Variants in HDX observed in about 807,000 individuals in gnomAD.
HDX encodes highly divergent homeobox.
In HDX, 19 loss-of-function variants were observed where a neutral mutation model predicts 45.2. The observed-to-expected ratio is 0.42, with a 90% CI of 0.29 to 0.62. The LOEUF (loss-of-function observed/expected upper bound fraction) is 0.62, where lower values mean the gene tolerates loss of function less well. Ranked by LOEUF, HDX falls within the 20% of genes least tolerant of loss-of-function variation. HDX has a pLI of 0.20. For missense variants in HDX, 532 were observed against 493.9 expected (o/e 1.08, Z -0.73); for synonymous variants, 188 against 172.8 (o/e 1.09, Z -0.69).
At chrX:84,471,244 A>AATAGATAGATAGATAG (rs200160920) in intron 3 of HDX, among the ~76,000 whole-genome samples, 20 of 97,362 alleles carry the variant, frequency 2.1e-4, no homozygotes, top group South Asian at 1.0e-3. Context: ...GTGTTCTCTC[A>AATAGATAGATAGATAG]ATAGATAGAT....
intron 6 of HDX, among the ~76,000 whole-genome samples, chrX:84,357,589 T>A (rs1196715424): frequency 9.0e-6 from 1 of 111,465 alleles, no homozygotes; most frequent in African/African-American, 3.3e-5. Context: ...AGTGAACAGA[T>A]CAATGAGGAA....
intron 4 of HDX, among the ~76,000 whole-genome samples, chrX:84,456,083 G>T (rs749612986): frequency 1.8e-5 from 2 of 111,635 alleles, no homozygotes; most frequent in South Asian, 7.5e-4. Context: ...GGGAGTTCTT[G>T]AATCTGAAAG....
At chrX:84,334,654 A>ATT (rs34832469) in intron 8 of HDX, among the ~76,000 whole-genome samples, 37 of 88,347 alleles carry the variant, frequency 4.2e-4, no homozygotes, top group African/African-American at 1.4e-3. Context: ...TAATCATGTG[A>ATT]TTTTTTTAAA....
chrX:84,437,759 A>G (rs1464111558), intron 5 of HDX, among the ~76,000 whole-genome samples: 3 of 111,283 alleles, frequency 2.7e-5, no homozygotes, highest in African/African-American at 9.8e-5. Flanking sequence ...CTAGTTGCCC[A>G]TTGTGGCTTG....
intron 2 of HDX, among the ~76,000 whole-genome samples, chrX:84,476,654 CA>C (rs1359899002): frequency 9.1e-6 from 1 of 109,432 alleles, no homozygotes; most frequent in Non-Finnish European, 1.9e-5. Flanking sequence ...CCAAACCAGA[CA>C]GAAATTTTTC....
At chrX:84,478,055 C>T (rs1569367684) in intron 2 of HDX, among the ~76,000 whole-genome samples, 1 of 112,155 alleles carries the variant, frequency 8.9e-6, no homozygotes, top group Non-Finnish European at 1.9e-5. Context: ...AAATGCTGGA[C>T]TGTACAAGTC....
At chrX:84,386,535 A>T (rs947705002) in intron 5 of HDX, among the ~76,000 whole-genome samples, 7 of 111,539 alleles carry the variant, frequency 6.3e-5, no homozygotes, top group Admixed American at 1.9e-4. Context: ...TCAGAGTTTG[A>T]TATTGGTGTA....
chrX:84,341,585 A>C (rs2037085959), intron 7 of HDX, among the ~76,000 whole-genome samples: 1 of 110,569 alleles, frequency 9.0e-6, no homozygotes, highest in African/African-American at 3.3e-5. Context: ...CCATGCAGTT[A>C]ATTGCTTTTT....
At chrX:84,368,561 A>G (rs1417681650) in intron 5 of HDX, among the ~76,000 whole-genome samples, 2 of 111,828 alleles carry the variant, frequency 1.8e-5, no homozygotes, top group African/African-American at 6.5e-5. Context: ...AATTAATTTG[A>G]CTGATGTATT....
At chrX:84,419,786 C>T (rs2039206046) in intron 5 of HDX, among the ~76,000 whole-genome samples, 1 of 111,883 alleles carries the variant, frequency 8.9e-6, no homozygotes, top group Non-Finnish European at 1.9e-5. Flanking sequence ...CTGATGTCAC[C>T]CCACCCTCAG....
At chrX:84,351,938 G>T (rs1046994444) in intron 6 of HDX, among the ~76,000 whole-genome samples, 1 of 111,843 alleles carries the variant, frequency 8.9e-6, no homozygotes, top group South Asian at 3.7e-4. Flanking sequence ...TATATGACTC[G>T]AATTTGTAAC....
chrX:84,318,143 CT>C lies in HDX; in HGVS notation c.*3745del, dbSNP rs779798807. 2 of 110,412 alleles carry C rather than the reference CT, an allele frequency of 1.8e-5. No individual in the cohort carries two copies. The highest frequency in any genetic ancestry group is 3.8e-5 in the Non-Finnish European group (2 of 52,302). The allele number at this position is 110,412 out of a possible 1,213,427, so 9.1% of individuals were successfully genotyped here. ...AATATCACTTTACTCTTTTTTCCCC[CT>C]AGCAAATCTGTTCTTAATCAAAGTT... is the stretch of plus-strand genomic sequence containing the variant. On this transcript the variant is annotated 3_prime_UTR_variant, in exon 11 of 11. Coordinates refer to ENST00000373177, the MANE Select transcript of HDX (RefSeq NM_001177479.2).
At chrX:84,481,551 C>T (rs2040679731) in intron 2 of HDX, among the ~76,000 whole-genome samples, 1 of 111,099 alleles carries the variant, frequency 9.0e-6, no homozygotes, top group African/African-American at 3.3e-5. Context: ...CTACAGCACT[C>T]TATTAACCTC....
intron 5 of HDX, among the ~76,000 whole-genome samples, chrX:84,369,185 C>T (rs2037834574): frequency 8.9e-6 from 1 of 111,899 alleles, no homozygotes; most frequent in Non-Finnish European, 1.9e-5. Context: ...GTTTATGTAA[C>T]TGGCTAATTT....
At chrX:84,339,784 T>C (rs915105999) in intron 7 of HDX, among the ~76,000 whole-genome samples, 1 of 111,419 alleles carries the variant, frequency 9.0e-6, no homozygotes, top group African/African-American at 3.3e-5. Flanking sequence ...ACCCATATAA[T>C]AGATACAGCT....
At chrX:84,386,988 T>C (rs1472594746) in intron 5 of HDX, among the ~76,000 whole-genome samples, 1 of 111,505 alleles carries the variant, frequency 9.0e-6, no homozygotes, top group Non-Finnish European at 1.9e-5. Context: ...CCATAAACTT[T>C]CCTCTTAACA....
At chrX:84,447,665 C>A (rs1385936012) in intron 4 of HDX, among the ~76,000 whole-genome samples, 1 of 111,164 alleles carries the variant, frequency 9.0e-6, no homozygotes, top group Admixed American at 9.5e-5. Flanking sequence ...TTGCTTCCTG[C>A]CCTGCCTCTC....
chrX:84,326,134 T>C lies in HDX; in HGVS notation c.1947+44A>G, dbSNP rs754543857. ...GAACCCAAGTGTGACATACCATTTT[T>C]TGACTTGATACATTGCAGCTTACTA... On this transcript the variant is annotated intron_variant, in intron 10 of 10. Coordinates refer to ENST00000373177, the MANE Select transcript of HDX (RefSeq NM_001177479.2). The C allele has an allele frequency of 6.5e-5, 76 of 1,177,764 alleles. No individual in the cohort carries two copies. Among genetic ancestry groups the C allele is most frequent in the Non-Finnish European group, 8.6e-5 (75 of 868,831 alleles).
intron 5 of HDX, among the ~76,000 whole-genome samples, chrX:84,374,453 A>T (rs1469085776): frequency 3.0e-4 from 33 of 110,778 alleles, no homozygotes; most frequent in Middle Eastern, 9.3e-3. Flanking sequence ...CATAGCCAAG[A>T]CAATCCTAAG....
Sources: gnomAD v4.1 joint callset for allele counts (sites outside exome capture counted in the v4.1 genomes callset) on GRCh38, gnomAD v4.1.1 for gene constraint, MANE v1.5 for transcripts, NCBI Gene and HGNC (gene_info 2026-07-23, HGNC 2026-07-21) for gene names.